Variants in ACACA observed in about 807,000 individuals in gnomAD.
ACACA encodes acetyl-CoA carboxylase 1.
A neutral mutation model predicts 296.1 loss-of-function variants in ACACA; 103 were observed. The ratio of observed to expected loss-of-function variants is 0.35; its 90% CI spans 0.30 to 0.41. The LOEUF is 0.41. ACACA is among the 10% of genes least tolerant of loss of function. ACACA has a pLI of 1.00. For synonymous variants in ACACA, 953 were observed against 1,038.6 expected, an observed-to-expected ratio of 0.92 and a Z score of 1.58; for missense variants, 1,554 against 2,989.7, an observed-to-expected ratio of 0.52 and a Z score of 11.20.
intron 24 of ACACA, among the ~76,000 whole-genome samples, chr17:37,237,016 AACT>A (rs911481913): frequency 2.4e-4 from 36 of 152,186 alleles, no homozygotes; most frequent in African/African-American, 7.0e-4. Context: ...CCTCAGAAAC[AACT>A]ACTAAGCTGA....
At chr17:37,179,509 T>C in intron 40 of ACACA, 103 bp from the exon 41 acceptor site, 1 of 1,292,902 alleles carries the variant, frequency 7.7e-7, no homozygotes, top group Non-Finnish European at 1.1e-6. Context: ...CTTTTCCAAG[T>C]GTTCTGCAGA....
chr17:37,317,376 G>A (rs1420371884), intron 3 of ACACA, among the ~76,000 whole-genome samples: 1 of 152,120 alleles, frequency 6.6e-6, no homozygotes, highest in Non-Finnish European at 1.5e-5. Flanking sequence ...GCCCTGCCTA[G>A]GCAACAGGGC....
At chr17:37,184,734 A>G (rs889010912) in intron 39 of ACACA, among the ~76,000 whole-genome samples, 2 of 151,858 alleles carry the variant, frequency 1.3e-5, no homozygotes, top group African/African-American at 4.8e-5. Context: ...CTTTAGTCCC[A>G]GCTACTTAGG....
intron 42 of ACACA, 65 bp downstream of exon 42, chr17:37,161,716 C>T: frequency 1.3e-6 from 2 of 1,577,462 alleles, no homozygotes; most frequent in Non-Finnish European, 1.7e-6. Context: ...ACCCTTCCCC[C>T]ACCTCTCCAC....
chr17:37,275,948 T>C lies in ACACA; in HGVS notation c.901+3A>G. 1 of 1,612,794 alleles carries C rather than the reference T, an allele frequency of 6.2e-7. No homozygotes were observed. The highest frequency in any genetic ancestry group is 8.5e-7 in the Non-Finnish European group (1 of 1,178,692). ...AAGATACAAACAAGAATTCAGTTCT[T>C]ACCACTGCCGCTCCAGGGAAGAGTT... On this transcript the variant is annotated splice_donor_region_variant and intron_variant, in intron 8 of 55. Coordinates refer to ENST00000616317, the MANE Select transcript of ACACA (RefSeq NM_198834.3).
At chr17:37,316,694 G>A (rs1239660359) in intron 3 of ACACA, among the ~76,000 whole-genome samples, 3 of 151,922 alleles carry the variant, frequency 2.0e-5, no homozygotes, top group Non-Finnish European at 4.4e-5. Flanking sequence ...TCCACTACTG[G>A]GTATATATCC....
At chr17:37,370,373 G>A (rs1007187098) in intron 1 of ACACA, among the ~76,000 whole-genome samples, 4 of 151,312 alleles carry the variant, frequency 2.6e-5, no homozygotes, top group South Asian at 2.1e-4. Flanking sequence ...CAGCCCAGAC[G>A]CGGTGGCTCA....
chr17:37,300,483 T>C (rs2083567290), intron 3 of ACACA, among the ~76,000 whole-genome samples: 2 of 152,136 alleles, frequency 1.3e-5, no homozygotes. Context: ...ACCTGAATCA[T>C]GAACCATAAA....
chr17:37,331,953 T>C (rs2047905704), intron 2 of ACACA, among the ~76,000 whole-genome samples: 1 of 152,068 alleles, frequency 6.6e-6, no homozygotes, highest in Non-Finnish European at 1.5e-5. Flanking sequence ...AATTATGCAT[T>C]TTAAAATGTC....
At chr17:37,258,022 G>T (rs2081294488) in intron 13 of ACACA, among the ~76,000 whole-genome samples, 156 bp from the exon 14 acceptor site, 1 of 152,182 alleles carries the variant, frequency 6.6e-6, no homozygotes, top group Non-Finnish European at 1.5e-5. Context: ...ACCCACTGAA[G>T]ACTCTACAGT....
intron 8 of ACACA, among the ~76,000 whole-genome samples, chr17:37,275,421 G>A (rs554495229): frequency 4.5e-4 from 67 of 148,558 alleles, no homozygotes; most frequent in African/African-American, 1.5e-3. Context: ...GCTTGAACCC[G>A]GAAGGTGGAG....
chr17:37,403,633 T>C (rs1381125577), intron 1 of ACACA, among the ~76,000 whole-genome samples: 1 of 152,094 alleles, frequency 6.6e-6, no homozygotes, highest in African/African-American at 2.4e-5. Flanking sequence ...CTACCTTGGC[T>C]TCCCAAAATG....
chr17:37,362,062 C>G (rs961788412), intron 1 of ACACA, among the ~76,000 whole-genome samples: 1 of 152,034 alleles, frequency 6.6e-6, no homozygotes, highest in African/African-American at 2.4e-5. Context: ...CCTTATAAGA[C>G]GAGGCGACGA....
chr17:37,186,165 A>G (rs2077522988), intron 39 of ACACA, among the ~76,000 whole-genome samples: 1 of 141,814 alleles, frequency 7.1e-6, no homozygotes, highest in Non-Finnish European at 1.5e-5. Flanking sequence ...GTAACTAAAA[A>G]CTGTAAAGTA....
chr17:37,387,146 G>A (rs1270977100), intron 1 of ACACA: 1 of 151,634 alleles, frequency 6.6e-6, no homozygotes, highest in African/African-American at 2.4e-5. Context: ...TTGATATGGA[G>A]TCTCACTCTG....
intron 54 of ACACA, 85 bp from the exon 55 acceptor site, chr17:37,089,159 T>C: frequency 6.3e-7 from 1 of 1,583,578 alleles, no homozygotes; most frequent in African/African-American, 1.3e-5. Flanking sequence ...AGTGCTTGCT[T>C]ACTCCAAAAG....
At chr17:37,152,744 T>G (rs1456918671) in intron 43 of ACACA, among the ~76,000 whole-genome samples, 1 of 152,200 alleles carries the variant, frequency 6.6e-6, no homozygotes, top group East Asian at 1.9e-4. Flanking sequence ...GCATATATTA[T>G]TTATTGTTCC....
chr17:37,329,502 G>A (rs1598503482), intron 3 of ACACA, among the ~76,000 whole-genome samples: 1 of 151,682 alleles, frequency 6.6e-6, no homozygotes, highest in African/African-American at 2.4e-5. Context: ...TCAGCTAGGC[G>A]CAAGGGCATG....
chr17:37,349,517 ATGTG>A (rs965460655), intron 1 of ACACA, among the ~76,000 whole-genome samples: 1 of 145,930 alleles, frequency 6.9e-6, no homozygotes, highest in Non-Finnish European at 1.5e-5. Flanking sequence ...TATCTTACAT[ATGTG>A]TGTGTGTGTG....
Sources: allele counts gnomAD v4.1 joint callset (sites outside exome capture counted in the v4.1 genomes callset), GRCh38; gene constraint gnomAD v4.1.1; transcripts MANE v1.5; gene names NCBI Gene and HGNC (gene_info 2026-07-23, HGNC 2026-07-21).